FKBP15: variants seen among roughly 807,000 people sequenced by gnomAD.
The protein encoded by FKBP15 is FK506-binding protein 15.
A neutral mutation model predicts 158.1 loss-of-function variants in FKBP15; 106 were observed. The observed-to-expected ratio is 0.67, with a 90% CI of 0.57 to 0.79. The LOEUF (loss-of-function observed/expected upper bound fraction) is 0.79, where lower values mean the gene tolerates loss of function less well. FKBP15 is among the 30% of genes least tolerant of loss of function. The pLI is 0.00. For synonymous variants in FKBP15, 547 were observed against 548.6 expected (o/e 1.00, Z 0.04); for missense variants, 1,287 against 1,479.1 (o/e 0.87, Z 2.13).
chr9:113,219,935 G>C (rs1454481353), intron 1 of FKBP15, among the ~76,000 whole-genome samples: 2 of 152,208 alleles, frequency 1.3e-5, no homozygotes, highest in African/African-American at 4.8e-5. Context: ...GAAGGGAACA[G>C]AGTGGTGAGA....
chr9:113,186,289 A>G lies in FKBP15; in HGVS notation c.1458T>C (p.Pro486=). ...GCTGAGAGAGCGGTGCTGGGTACAA[A>G]GGCCGAACGGGCTGCAGCTGGGAGG... is the stretch of plus-strand genomic sequence containing the variant. The part of the protein sequence containing the change: ...AVTSQLQPVR[P]LYPAPLSQPP... Residue 486 remains proline (P), a synonymous_variant, in exon 15 of 28, where the codon CCT becomes CCC. Transcript: ENST00000238256. 1 of 1,570,310 alleles carries G rather than the reference A, an allele frequency of 6.4e-7. No individual in the cohort carries two copies. The highest frequency in any genetic ancestry group is 8.6e-7 in the Non-Finnish European group (1 of 1,156,972).
intron 1 of FKBP15, among the ~76,000 whole-genome samples, chr9:113,214,690 AG>A (rs1831082675): frequency 6.6e-6 from 1 of 152,228 alleles, no homozygotes; most frequent in Non-Finnish European, 1.5e-5. Flanking sequence ...GAAGTTTTGA[AG>A]CCAAGCATTG....
chr9:113,206,430 C>T (rs766360913), intron 4 of FKBP15, 79 bp downstream of exon 4: 57 of 1,094,736 alleles, frequency 5.2e-5, no homozygotes, highest in Non-Finnish European at 7.7e-5. Context: ...AACAAGACAT[C>T]GGGCAAGCCA....
intron 27 of FKBP15, among the ~76,000 whole-genome samples, chr9:113,168,152 G>A (rs2118853802): frequency 6.6e-6 from 1 of 152,234 alleles, no homozygotes; most frequent in South Asian, 2.1e-4. Flanking sequence ...AGCAGATTTG[G>A]GGAAAACTAA....
intron 4 of FKBP15, among the ~76,000 whole-genome samples, 156 bp from the exon 5 acceptor site, chr9:113,203,191 A>C (rs546364228): frequency 2.0e-4 from 30 of 152,322 alleles, no homozygotes; most frequent in Non-Finnish European, 3.7e-4. Context: ...TTCAACTTTA[A>C]ATTTTATCTT....
chr9:113,180,966 G>A (rs1830385363), intron 19 of FKBP15, among the ~76,000 whole-genome samples: 2 of 152,174 alleles, frequency 1.3e-5, no homozygotes, highest in Non-Finnish European at 2.9e-5. Context: ...TTTAAAAGGA[G>A]AGATCACCAG....
Position 113,182,829 on chromosome 9 carries a change from G to A in FKBP15, c.1851C>T (p.Asn617=). 6.2e-7 allele frequency: 1 copy of A among 1,613,802 alleles called. No homozygotes were observed. ...EQSNLMMEKR[N]NSLQTATENT... ...TTTCTGTGGCTGTCTGAAGTGAGTT[G>A]TTCCTCTTCTCCATCATCAGGTTAC... Residue 617 remains asparagine, a synonymous_variant, in exon 19 of 28, where the codon AAC becomes AAT. Coordinates refer to ENST00000238256, the MANE Select transcript of FKBP15 (RefSeq NM_015258.2).
At chr9:113,200,420 G>A (rs75330482) in intron 6 of FKBP15, among the ~76,000 whole-genome samples, 2,667 of 152,194 alleles carry the variant, frequency 0.018, 92 homozygotes, top group African/African-American at 0.061. Flanking sequence ...TTGAAAAAAC[G>A]TCAGAAGGCA....
intron 11 of FKBP15, among the ~76,000 whole-genome samples, chr9:113,191,927 C>T (rs1830582421): frequency 6.7e-6 from 1 of 150,040 alleles, no homozygotes; most frequent in Non-Finnish European, 1.5e-5. Context: ...ATGTAATTAC[C>T]TATTCAAAAC....
chr9:113,168,735 C>T (rs1049869446), intron 26 of FKBP15, among the ~76,000 whole-genome samples, 179 bp from the exon 27 acceptor site: 4 of 152,174 alleles, frequency 2.6e-5, no homozygotes, highest in African/African-American at 7.2e-5. Context: ...CCTCCTAGTG[C>T]GGTTGGCCCC....
At chr9:113,210,161 C>T (rs1436584867) in intron 2 of FKBP15, among the ~76,000 whole-genome samples, 1 of 152,260 alleles carries the variant, frequency 6.6e-6, no homozygotes, top group South Asian at 2.1e-4. Flanking sequence ...ACAAAGCGCA[C>T]GCTATCTAGC....
Position 113,173,591 on chromosome 9 carries a change from C to T in FKBP15, c.2394G>A (p.Gln798=), listed in dbSNP as rs1220996953. Reference sequence around the variant, plus strand: ...CTTCCCACTGGGTCTGTAGCTCAGCCTGTACTAAAGACAGCTGCCAAGAGA... The same window carrying T: ...CTTCCCACTGGGTCTGTAGCTCAGCTTGTACTAAAGACAGCTGCCAAGAGA... ...QAAAEQLSLV[Q]AELQTQWEAK... The change falls in exon 23 of 28, where the codon CAG becomes CAA. Residue 798 remains glutamine, a synonymous_variant. Transcript: ENST00000238256. The T allele has an allele frequency of 1.2e-6, 2 of 1,613,684 alleles. No individual in the cohort carries two copies. Among genetic ancestry groups the T allele is most frequent in the East Asian group, 2.2e-5 (1 of 44,884 alleles).
chr9:113,178,621 A>G lies in FKBP15; in HGVS notation c.2086+9T>C, dbSNP rs769661797. The stretch of plus-strand genomic sequence containing the variant: ...GCAACAATCCCAGCATCCCCCACCT[A>G]GCACATACCTGAGAGCTTTGCCTGC... On this transcript the variant is annotated intron_variant, in intron 20 of 27. Coordinates refer to ENST00000238256, the MANE Select transcript of FKBP15 (RefSeq NM_015258.2). The G allele has an allele frequency of 4.4e-6, 7 of 1,603,790 alleles. No individual in the cohort carries two copies. The Admixed American group carries it at 5.1e-5, about 12-fold the overall frequency.
rs1186541768 is a variant in FKBP15 at position 113,164,404 on chromosome 9, T to A, written c.*1674A>T. On this transcript the variant is annotated 3_prime_UTR_variant, in exon 28 of 28. Transcript: ENST00000238256. ...ACAAGTATTAATTGAGTACATGCTA[T>A]AAGAAAAGTAACTGTCACACGGACT... The A allele has an allele frequency of 1.3e-5, 2 of 152,242 alleles. No individual in the cohort carries two copies. Among genetic ancestry groups the A allele is most frequent in the African/African-American group, 4.8e-5 (2 of 41,452 alleles). The allele number at this position is 152,242 out of a possible 1,614,324, so 9.4% of individuals were successfully genotyped here. A position where few individuals can be genotyped will look rare whatever the true frequency, so the allele number is the denominator to read the frequency against.
chr9:113,187,491 C>A (rs16912462), intron 14 of FKBP15: 7 of 294,570 alleles, frequency 2.4e-5, no homozygotes, highest in South Asian at 1.5e-4. Flanking sequence ...TACAGAAGAA[C>A]GCGAATATAC....
intron 19 of FKBP15, among the ~76,000 whole-genome samples, chr9:113,182,465 T>C (rs4143047): frequency 0.83 from 125,637 of 152,196 alleles, 51,944 homozygotes; most frequent in South Asian, 0.89. Context: ...TGTTACCTGG[T>C]ATAAAGGAAA....
At position 113,174,500 on chromosome 9, in the gene FKBP15, C is replaced by A; in HGVS notation, c.2307G>T (p.Gln769His). Residue 769 changes from glutamine to histidine, a missense_variant, in exon 22 of 28, where the codon CAG (glutamine) becomes CAT (histidine). Coordinates refer to ENST00000238256, the MANE Select transcript of FKBP15 (RefSeq NM_015258.2). ...EEIDEIRKSYQEELDKLRQLL... is the reference protein window; with the variant it reads ...EEIDEIRKSYHEELDKLRQLL... ...GCTGTCGAAGTTTGTCCAATTCCTC[C>A]TGGTATGACTTGCGAATTTCATCTA... 6.2e-7 allele frequency: 1 copy of A among 1,614,002 alleles called. No homozygotes were observed. Among genetic ancestry groups the A allele is most frequent in the Non-Finnish European group, 8.5e-7 (1 of 1,179,894 alleles).
chr9:113,191,341 G>A (rs1287560637), intron 11 of FKBP15, among the ~76,000 whole-genome samples: 1 of 151,900 alleles, frequency 6.6e-6, no homozygotes, highest in Non-Finnish European at 1.5e-5. Flanking sequence ...ATTTTTGGTC[G>A]AGAAAGGGCT....
At chr9:113,174,038 C>T (rs1037790562) in intron 22 of FKBP15, among the ~76,000 whole-genome samples, 17 of 152,260 alleles carry the variant, frequency 1.1e-4, no homozygotes, top group African/African-American at 3.9e-4. Context: ...GACTAGAGAT[C>T]CAGCTGTGTC....
Sources: allele counts gnomAD v4.1 joint callset (sites outside exome capture counted in the v4.1 genomes callset), GRCh38; gene constraint gnomAD v4.1.1; transcripts MANE v1.5; gene names NCBI Gene and HGNC (gene_info 2026-07-23, HGNC 2026-07-21).